SEL1L2: variants seen among roughly 807,000 people sequenced by gnomAD.
SEL1L2 encodes protein sel-1 homolog 2.
Under a neutral mutation model 98.8 loss-of-function variants are expected in SEL1L2, and 89 were observed. The ratio of observed to expected loss-of-function variants is 0.90; its 90% CI spans 0.76 to 1.07. SEL1L2 has a LOEUF of 1.07. Among genes scored for constraint, SEL1L2 ranks in the 50% least tolerant of loss-of-function variants. SEL1L2 has a pLI of 0.00. For synonymous variants in SEL1L2, 262 were observed against 278.5 expected (o/e 0.94, Z 0.59); for missense variants, 788 against 812.0 (o/e 0.97, Z 0.36).
chr20:13,981,348 T>C (rs1265173385), intron 1 of SEL1L2, among the ~76,000 whole-genome samples: 1 of 152,138 alleles, frequency 6.6e-6, no homozygotes, highest in Non-Finnish European at 1.5e-5. Context: ...GAGTACAGTT[T>C]CAATTAGATG....
chr20:13,856,321 G>T lies in SEL1L2; in HGVS notation c.1818+2941C>A, dbSNP rs569687230. Among the ~76,000 whole-genome samples the T allele has an allele frequency of 7.2e-5, 11 of 152,206 alleles. No individual in the cohort carries two copies. The South Asian group carries it at 1.9e-3, about 26-fold the overall frequency. On this transcript the variant is annotated intron_variant, in intron 18 of 19. Transcript: ENST00000284951. ...ATTTTTGCATTTTTAGTAGAGACAA[G>T]ATTTTGCCATGTTAGCCTGGCTGGT...
At chr20:13,988,418 G>T (rs1193631081) in intron 1 of SEL1L2, among the ~76,000 whole-genome samples, 1 of 152,102 alleles carries the variant, frequency 6.6e-6, no homozygotes, top group African/African-American at 2.4e-5. Context: ...ATTTGTTGGA[G>T]AGATTATCTC....
chr20:13,866,907 A>G (rs994736933), intron 14 of SEL1L2, 57 bp from the exon 15 acceptor site: 29 of 1,473,754 alleles, frequency 2.0e-5, no homozygotes, highest in African/African-American at 4.3e-5. Flanking sequence ...TTATATTATA[A>G]TCTATGGATA....
At chr20:13,958,098 T>C (rs1192863331) in intron 1 of SEL1L2, among the ~76,000 whole-genome samples, 1 of 152,184 alleles carries the variant, frequency 6.6e-6, no homozygotes, top group Non-Finnish European at 1.5e-5. Flanking sequence ...TCAGAGGCAA[T>C]GTAGCCTCAT....
intron 18 of SEL1L2, among the ~76,000 whole-genome samples, chr20:13,853,327 T>A (rs1988584983): frequency 6.6e-6 from 1 of 151,988 alleles, no homozygotes; most frequent in African/African-American, 2.4e-5. Flanking sequence ...GCTTCCTGAG[T>A]AGCTGGGATT....
intron 12 of SEL1L2, among the ~76,000 whole-genome samples, chr20:13,873,444 C>A (rs898057514): frequency 5.3e-5 from 8 of 152,118 alleles, no homozygotes; most frequent in Non-Finnish European, 1.0e-4. Flanking sequence ...TCACTACAAC[C>A]TCTTCCTCCC....
rs561026528 is a variant in SEL1L2 at position 13,892,301 on chromosome 20, C to G, written c.550-3789G>C. Among the ~76,000 whole-genome samples, 3 of 148,268 alleles carry G rather than the reference C, an allele frequency of 2.0e-5. 1 individual carries two copies. The South Asian group carries it at 6.3e-4, about 31-fold the overall frequency. ...GCCATCTGTACAAAAATATGAAAAT[C>G]AGCCACCATATGATGGCAGGCACCT... On this transcript the variant is annotated intron_variant, in intron 5 of 19. Coordinates refer to ENST00000284951, the MANE Select transcript of SEL1L2 (RefSeq NM_025229.2).
intron 1 of SEL1L2, among the ~76,000 whole-genome samples, chr20:13,983,257 C>A (rs981198398): frequency 1.3e-5 from 2 of 151,892 alleles, no homozygotes; most frequent in African/African-American, 2.4e-5. Context: ...AACGTAGAGT[C>A]AGGGACAATT....
intron 2 of SEL1L2, among the ~76,000 whole-genome samples, chr20:13,945,485 C>CATAT (rs150808080): frequency 1.3e-4 from 20 of 148,220 alleles, no homozygotes; most frequent in African/African-American, 4.7e-4. Context: ...TTAATATATA[C>CATAT]ATATATATAT....
chr20:13,991,369 C>A (rs1336015971), upstream of SEL1L2, among the ~76,000 whole-genome samples: 1 of 152,144 alleles, frequency 6.6e-6, no homozygotes, highest in African/African-American at 2.4e-5. Context: ...TAACAAATTA[C>A]CACAAACGTA....
upstream of SEL1L2, among the ~76,000 whole-genome samples, chr20:13,990,864 T>A (rs1370793227): frequency 6.6e-6 from 1 of 152,128 alleles, no homozygotes; most frequent in African/African-American, 2.4e-5. Context: ...TGTTCAGGGG[T>A]GCTGGAAGTT....
chr20:13,872,037 A>G (rs774964026), intron 12 of SEL1L2, among the ~76,000 whole-genome samples: 2 of 152,218 alleles, frequency 1.3e-5, no homozygotes, highest in Non-Finnish European at 2.9e-5. Context: ...TGAGCCTATC[A>G]TATGAAATGA....
Position 13,885,421 on chromosome 20 carries a change from G to A in SEL1L2, c.901-18C>T, listed in dbSNP as rs2046905371. 2 of 1,554,594 alleles carry A rather than the reference G, an allele frequency of 1.3e-6. No homozygotes were observed. Among genetic ancestry groups the A allele is most frequent in the Non-Finnish European group, 1.8e-6 (2 of 1,126,104 alleles). On this transcript the variant is annotated intron_variant, in intron 9 of 19. Transcript: ENST00000284951. ...AGAGAGACCTAGGAATGATGAGTTT[G>A]GAAATGATTTTAGCAGCAGTATTAC...
chr20:13,922,470 A>G lies in SEL1L2; in HGVS notation c.284-3347T>C, dbSNP rs529563185. ...CCACATCTAGGATTGTATCTTCCTG[A>G]CACACATAAGGGCAAATGTGAAGAA... On this transcript the variant is annotated intron_variant, in intron 3 of 19. Transcript: ENST00000284951. 2.6e-4 allele frequency among the ~76,000 whole-genome samples: 39 copies of G among 152,312 alleles called. No individual in the cohort carries two copies. The South Asian group carries it at 3.1e-3, about 12-fold the overall frequency.
Position 13,898,417 on chromosome 20 carries a change from T to C in SEL1L2, c.550-9905A>G, listed in dbSNP as rs1464830939. Among the ~76,000 whole-genome samples the C allele has an allele frequency of 6.6e-5, 10 of 152,208 alleles. No homozygotes were observed. The East Asian group carries it at 1.9e-3, about 29-fold the overall frequency. On this transcript the variant is annotated intron_variant, in intron 5 of 19. Coordinates refer to ENST00000284951, the MANE Select transcript of SEL1L2 (RefSeq NM_025229.2). ...AGGAGTATTAGAAGAGTCTACATTC[T>C]GTATAGTGAGTCTCCGGCTCTCTTT...
Position 13,919,125 on chromosome 20 carries a change from T to A in SEL1L2, c.284-2A>T. On this transcript the variant is annotated splice_acceptor_variant, in intron 3 of 19. Transcript: ENST00000284951. LOFTEE classifies it high-confidence loss of function. ...AATTTTTCTCTGCTTGCTTTTGTACTATACATGAACAAACAAAAAATAAAA... is the reference window on the plus strand; with the variant it reads ...AATTTTTCTCTGCTTGCTTTTGTACAATACATGAACAAACAAAAAATAAAA... The A allele has an allele frequency of 6.5e-7, 1 of 1,545,832 alleles. No individual in the cohort carries two copies. Among genetic ancestry groups the A allele is most frequent in the Non-Finnish European group, 8.9e-7 (1 of 1,121,504 alleles).
chr20:13,865,831 C>CTGTG (rs11467978), intron 15 of SEL1L2, among the ~76,000 whole-genome samples: 99 of 150,054 alleles, frequency 6.6e-4, no homozygotes, highest in African/African-American at 1.9e-3. Context: ...GTGTGTGTGT[C>CTGTG]TGTGTGTGTG....
At chr20:13,977,947 A>G (rs1187722909) in intron 1 of SEL1L2, among the ~76,000 whole-genome samples, 1 of 152,206 alleles carries the variant, frequency 6.6e-6, no homozygotes. Context: ...TACAGATTCA[A>G]TACAATCTCT....
intron 10 of SEL1L2, among the ~76,000 whole-genome samples, chr20:13,879,263 G>C (rs575934483): frequency 1.3e-5 from 2 of 152,168 alleles, no homozygotes; most frequent in African/African-American, 2.4e-5. Context: ...GGCTGAAATA[G>C]AACATCCAAA....
Sources: allele counts gnomAD v4.1 joint callset (sites outside exome capture counted in the v4.1 genomes callset), GRCh38; gene constraint gnomAD v4.1.1; transcripts MANE v1.5; gene names NCBI Gene and HGNC (gene_info 2026-07-23, HGNC 2026-07-21).